The following LIPI variants were observed in gnomAD, a reference collection of about 807,000 sequenced individuals.
LIPI encodes the protein lipase member I.
Under a neutral mutation model 50.6 loss-of-function variants are expected in LIPI, and 59 were observed. The ratio of observed to expected loss-of-function variants is 1.16; its 90% CI spans 0.94 to 1.45. The LOEUF (loss-of-function observed/expected upper bound fraction) is 1.45, where lower values mean the gene tolerates loss of function less well. Among genes scored for constraint, LIPI ranks in the 40% most tolerant of loss-of-function variants. The pLI is 0.00. For synonymous variants in LIPI, 203 were observed against 178.2 expected, an observed-to-expected ratio of 1.14 and a Z score of -1.11; for missense variants, 586 against 536.3, an observed-to-expected ratio of 1.09 and a Z score of -0.92.
intron 4 of LIPI, among the ~76,000 whole-genome samples, chr21:14,175,115 T>A (rs1200865950): frequency 6.6e-6 from 1 of 152,216 alleles, no homozygotes; most frequent in Non-Finnish European, 1.5e-5. Flanking sequence ...GTTTCCTATT[T>A]GAGGCTAATG....
chr21:14,180,955 T>C (rs994178507), intron 4 of LIPI, among the ~76,000 whole-genome samples: 1 of 152,206 alleles, frequency 6.6e-6, no homozygotes, highest in Non-Finnish European at 1.5e-5. Context: ...AAGAATAATA[T>C]ACTGGTTAAG....
At chr21:14,114,341 G>A (rs1175627035) in intron 9 of LIPI, among the ~76,000 whole-genome samples, 1 of 152,144 alleles carries the variant, frequency 6.6e-6, no homozygotes, top group East Asian at 1.9e-4. Context: ...AATGGCTACA[G>A]GCCTGTTTTG....
intron 1 of LIPI, among the ~76,000 whole-genome samples, chr21:14,192,929 T>G (rs1387488041): frequency 6.6e-6 from 1 of 152,166 alleles, no homozygotes; most frequent in Non-Finnish European, 1.5e-5. Context: ...TACAAAAATA[T>G]AAGTTTCTGT....
At chr21:14,141,261 C>A (rs566582978) in intron 9 of LIPI, among the ~76,000 whole-genome samples, 1 of 152,100 alleles carries the variant, frequency 6.6e-6, no homozygotes, top group South Asian at 2.1e-4. Flanking sequence ...TTATTTCACC[C>A]TAAGACCCTA....
chr21:14,135,203 C>T (rs7277426), intron 9 of LIPI, among the ~76,000 whole-genome samples: 14,649 of 152,142 alleles, frequency 0.096, 803 homozygotes, highest in Admixed American at 0.15. Flanking sequence ...CATCACTAAT[C>T]ATCAGAGAAA....
At position 14,165,284 on chromosome 21, in the gene LIPI, A is replaced by G; in HGVS notation, c.840T>C (p.Asp280=). 6.2e-7 allele frequency: 1 copy of G among 1,613,002 alleles called. No homozygotes were observed. Among genetic ancestry groups the G allele is most frequent in the Admixed American group, 1.7e-5 (1 of 60,016 alleles). The change falls in exon 6 of 10, where the codon GAT becomes GAC. Residue 280 remains aspartate (D), a synonymous_variant. Transcript: ENST00000681601. ...FISFPCRSYK[D]YKTSLCVDCD... ...AGTCCACACATAAGCTAGTCTTGTA[A>G]TCTTTGTATGAACGACAAGGAAATG... is the stretch of plus-strand genomic sequence containing the variant.
intron 4 of LIPI, among the ~76,000 whole-genome samples, chr21:14,168,717 A>G (rs912129858): frequency 2.0e-5 from 3 of 152,232 alleles, no homozygotes; most frequent in Admixed American, 2.0e-4. Flanking sequence ...TGAAGGAAGC[A>G]CTAAACATGG....
chr21:14,140,640 A>T (rs535448325), intron 9 of LIPI, among the ~76,000 whole-genome samples: 1 of 152,170 alleles, frequency 6.6e-6, no homozygotes, highest in South Asian at 2.1e-4. Flanking sequence ...CATATCTAAA[A>T]TTAATCTTGA....
intron 8 of LIPI, among the ~76,000 whole-genome samples, chr21:14,149,227 G>A (rs2018004411): frequency 6.6e-6 from 1 of 152,174 alleles, no homozygotes. Flanking sequence ...GGTGGCAGGA[G>A]AGAGAAGAAT....
intron 4 of LIPI, among the ~76,000 whole-genome samples, chr21:14,177,075 G>A (rs922658697): frequency 1.3e-5 from 2 of 152,046 alleles, no homozygotes; most frequent in African/African-American, 4.8e-5. Flanking sequence ...CACTATGATT[G>A]TGTAGTTGCC....
intron 8 of LIPI, among the ~76,000 whole-genome samples, chr21:14,148,312 A>C (rs1160445175): frequency 6.6e-6 from 1 of 152,140 alleles, no homozygotes; most frequent in Non-Finnish European, 1.5e-5. Context: ...TACAGTGAGT[A>C]AATATTCCTG....
intron 7 of LIPI, among the ~76,000 whole-genome samples, chr21:14,156,338 A>T (rs2018268808): frequency 6.6e-6 from 1 of 151,946 alleles, no homozygotes; most frequent in South Asian, 2.1e-4. Flanking sequence ...AAAGAGGAGA[A>T]TCAGAAACAG....
In LIPI at chr21:14,186,721, G is replaced by C. The variant is rs79312053; in HGVS notation, c.433-652C>G. ...TTGTGGGTTAGGAGAATTATGTCATGAGTGTGGAACCCTCATGAAAGGGAT... is the reference window on the plus strand; with the variant it reads ...TTGTGGGTTAGGAGAATTATGTCATCAGTGTGGAACCCTCATGAAAGGGAT... On this transcript the variant is annotated intron_variant, in intron 2 of 9. Transcript: ENST00000681601. Among the ~76,000 whole-genome samples, 1,458 of 152,260 alleles carry C rather than the reference G, an allele frequency of 9.6e-3. 12 individuals carry two copies. Among genetic ancestry groups the C allele is most frequent in the African/African-American group, 0.033 (1,369 of 41,528 alleles).
chr21:14,186,614 G>A (rs2019465029), intron 2 of LIPI, among the ~76,000 whole-genome samples: 1 of 152,120 alleles, frequency 6.6e-6, no homozygotes, highest in Admixed American at 6.6e-5. Flanking sequence ...AAGCTGCTGT[G>A]GTCTGAATGT....
chr21:14,166,249 G>A, intron 5 of LIPI, 113 bp downstream of exon 5: 1 of 745,016 alleles, frequency 1.3e-6, no homozygotes, highest in South Asian at 1.4e-5. Flanking sequence ...CTGAGTCATG[G>A]GCAATGATGA....
intron 9 of LIPI, among the ~76,000 whole-genome samples, chr21:14,138,489 C>A (rs1257916545): frequency 6.6e-6 from 1 of 152,028 alleles, no homozygotes; most frequent in Non-Finnish European, 1.5e-5. Flanking sequence ...GTGTGCAAGG[C>A]ACTCAGACTA....
chr21:14,201,697 G>C (rs1246613793), intron 1 of LIPI, among the ~76,000 whole-genome samples: 2 of 152,064 alleles, frequency 1.3e-5, no homozygotes, highest in Non-Finnish European at 2.9e-5. Flanking sequence ...AAAATAATAA[G>C]AGCTATCTAT....
intron 9 of LIPI, among the ~76,000 whole-genome samples, chr21:14,138,392 C>T (rs891894067): frequency 2.6e-5 from 4 of 152,002 alleles, no homozygotes; most frequent in Non-Finnish European, 5.9e-5. Context: ...TCTCATTTAT[C>T]TAGAGAACAG....
chr21:14,112,791 A>G (rs1423372575), intron 9 of LIPI, among the ~76,000 whole-genome samples: 1 of 152,176 alleles, frequency 6.6e-6, no homozygotes. Context: ...AATATAAATA[A>G]GCATTTAAAA....
Sources: allele counts gnomAD v4.1 joint callset (sites outside exome capture counted in the v4.1 genomes callset), GRCh38; gene constraint gnomAD v4.1.1; transcripts MANE v1.5; gene names NCBI Gene and HGNC (gene_info 2026-07-23, HGNC 2026-07-21).